The following SYT17 variants were observed in gnomAD, a reference collection of about 807,000 sequenced individuals.
The protein encoded by SYT17 is synaptotagmin 17.
Under a neutral mutation model 46.7 loss-of-function variants are expected in SYT17, and 22 were observed. The observed-to-expected ratio is 0.47, with a 90% confidence interval of 0.34 to 0.67. The LOEUF (loss-of-function observed/expected upper bound fraction) is 0.67. Ranked by LOEUF, SYT17 falls within the 30% of genes least tolerant of loss-of-function variation. SYT17 has a pLI of 0.01. For missense variants in SYT17, 519 were observed against 612.8 expected, an observed-to-expected ratio of 0.85 and a Z score of 1.62; for synonymous variants, 251 against 248.4, an observed-to-expected ratio of 1.01 and a Z score of -0.10.
intron 7 of SYT17, among the ~76,000 whole-genome samples, chr16:19,255,557 G>C (rs1968500624): frequency 6.6e-6 from 1 of 152,112 alleles, no homozygotes; most frequent in African/African-American, 2.4e-5. Context: ...AGGCTGAGGA[G>C]AGTAAGATTG....
At chr16:19,216,803 C>T (rs1310601164) in intron 5 of SYT17, among the ~76,000 whole-genome samples, 1 of 152,120 alleles carries the variant, frequency 6.6e-6, no homozygotes, top group African/African-American at 2.4e-5. Flanking sequence ...GGGGTTGGTT[C>T]CAAGTCCTTG....
chr16:19,181,728 G>A (rs964129650), intron 4 of SYT17, among the ~76,000 whole-genome samples: 8 of 151,988 alleles, frequency 5.3e-5, no homozygotes, highest in African/African-American at 1.2e-4. Context: ...GTCTGGGCGC[G>A]GTGGCTCATG....
chr16:19,204,710 C>G (rs1567211279), intron 5 of SYT17, among the ~76,000 whole-genome samples: 1 of 152,096 alleles, frequency 6.6e-6, no homozygotes. Context: ...CAGGCCCCTC[C>G]CCTGAAGAAT....
intron 7 of SYT17, chr16:19,250,175 C>T (rs1967940221): frequency 8.2e-7 from 1 of 1,213,422 alleles, no homozygotes; most frequent in Non-Finnish European, 1.1e-6. Flanking sequence ...CCCATGAACA[C>T]CCATATTTCT....
intron 7 of SYT17, among the ~76,000 whole-genome samples, chr16:19,236,772 C>T (rs774726711): frequency 6.6e-6 from 1 of 152,134 alleles, no homozygotes; most frequent in Non-Finnish European, 1.5e-5. Context: ...ACAATGCAAA[C>T]AGTATAGCCA....
At chr16:19,172,500 C>A (rs1321023722) in intron 1 of SYT17, 3 of 1,484,728 alleles carry the variant, frequency 2.0e-6, no homozygotes, top group South Asian at 1.4e-5. Flanking sequence ...CAAATCAAAT[C>A]GAAATGCTAA....
intron 2 of SYT17, 159 bp downstream of exon 2, chr16:19,172,936 C>A: frequency 3.3e-6 from 3 of 922,596 alleles, no homozygotes; most frequent in Non-Finnish European, 3.2e-6. Flanking sequence ...GAAAGGAGAT[C>A]CCGGTTTTGA....
intron 7 of SYT17, among the ~76,000 whole-genome samples, chr16:19,262,572 T>G (rs1969059121): frequency 6.9e-6 from 1 of 144,922 alleles, no homozygotes; most frequent in African/African-American, 2.9e-5. Context: ...CCAGTTGTTC[T>G]CCTCAACTGG....
chr16:19,246,184 G>A (rs868187554), intron 7 of SYT17, among the ~76,000 whole-genome samples: 6 of 151,864 alleles, frequency 4.0e-5, no homozygotes, highest in Middle Eastern at 3.2e-3. Flanking sequence ...TAGAATCGGG[G>A]TTTCACCATG....
At chr16:19,186,100 G>T (rs1964779047) in intron 5 of SYT17, among the ~76,000 whole-genome samples, 2 of 152,172 alleles carry the variant, frequency 1.3e-5, no homozygotes, top group African/African-American at 4.8e-5. Flanking sequence ...CCAGACAAGG[G>T]CTGGCTCCTC....
At chr16:19,201,593 G>A (rs1202615643) in intron 5 of SYT17, among the ~76,000 whole-genome samples, 2 of 150,854 alleles carry the variant, frequency 1.3e-5, no homozygotes, top group African/African-American at 4.9e-5. Context: ...GAGAGAAGGT[G>A]CCATTTTCAA....
At chr16:19,222,425 A>T (rs1020450652) in intron 5 of SYT17, among the ~76,000 whole-genome samples, 7 of 152,168 alleles carry the variant, frequency 4.6e-5, no homozygotes, top group Admixed American at 4.6e-4. Context: ...CATCAAGGGG[A>T]TGGGTACTCT....
intron 5 of SYT17, among the ~76,000 whole-genome samples, chr16:19,200,830 T>C (rs549017429): frequency 1.4e-3 from 217 of 152,332 alleles, no homozygotes; most frequent in Non-Finnish European, 2.6e-3. Flanking sequence ...ATTGAGGGTT[T>C]AGTTTCAAAA....
At chr16:19,263,618 T>A (rs1969142080) in intron 7 of SYT17, among the ~76,000 whole-genome samples, 1 of 117,800 alleles carries the variant, frequency 8.5e-6, no homozygotes, top group Non-Finnish European at 1.6e-5. Flanking sequence ...CCAGCCTGGG[T>A]GACAACAGTG....
chr16:19,250,184 C>T (rs778258125), intron 7 of SYT17: 19 of 1,133,584 alleles, frequency 1.7e-5, no homozygotes, highest in Non-Finnish European at 2.3e-5. Flanking sequence ...ACCCATATTT[C>T]TACCCATCAG....
At chr16:19,258,689 T>G (rs1031824930) in intron 7 of SYT17, among the ~76,000 whole-genome samples, 1 of 152,026 alleles carries the variant, frequency 6.6e-6, no homozygotes, top group Non-Finnish European at 1.5e-5. Flanking sequence ...ATGGAGGAAT[T>G]GCTACTGATA....
At chr16:19,250,804 C>T (rs772318630) in intron 7 of SYT17, among the ~76,000 whole-genome samples, 7 of 152,112 alleles carry the variant, frequency 4.6e-5, no homozygotes, top group South Asian at 2.1e-4. Context: ...ACAAAATTAA[C>T]GATCCCATGT....
chr16:19,231,027 C>A (rs746120320), intron 7 of SYT17, among the ~76,000 whole-genome samples: 9 of 152,124 alleles, frequency 5.9e-5, no homozygotes, highest in Non-Finnish European at 1.0e-4. Context: ...TCTACGTTGT[C>A]TACATAGAGT....
intron 5 of SYT17, among the ~76,000 whole-genome samples, chr16:19,200,645 A>G (rs1965424716): frequency 2.0e-5 from 3 of 152,186 alleles, no homozygotes; most frequent in African/African-American, 7.2e-5. Context: ...TTTCTAGGTG[A>G]TAGAGAATCC....
Sources: gnomAD v4.1 joint callset for allele counts (sites outside exome capture counted in the v4.1 genomes callset) on GRCh38, gnomAD v4.1.1 for gene constraint, MANE v1.5 for transcripts, NCBI Gene and HGNC (gene_info 2026-07-23, HGNC 2026-07-21) for gene names.